The following FAAH2 variants were observed in gnomAD, a reference collection of about 807,000 sequenced individuals.
FAAH2 encodes fatty acid amide hydrolase 2.
A neutral mutation model predicts 36.9 loss-of-function variants in FAAH2; 60 were observed. That is an observed-to-expected ratio of 1.63 (90% CI 1.32 to 2.02). The LOEUF is 2.02. Ranked by LOEUF, FAAH2 falls within the 30% of genes most tolerant of loss-of-function variation. The pLI is 0.00. For missense variants in FAAH2, 689 were observed against 397.5 expected, an observed-to-expected ratio of 1.73 and a Z score of -6.23; for synonymous variants, 214 against 143.8, an observed-to-expected ratio of 1.49 and a Z score of -3.49.
At chrX:57,411,028 T>C (rs778661154) in intron 7 of FAAH2, among the ~76,000 whole-genome samples, 2 of 112,022 alleles carry the variant, frequency 1.8e-5, no homozygotes, top group Non-Finnish European at 3.8e-5. Context: ...GATTGTTGTC[T>C]TCACAGTTGA....
intron 8 of FAAH2, among the ~76,000 whole-genome samples, chrX:57,438,215 A>G (rs923145711): frequency 1.1e-5 from 1 of 94,607 alleles, no homozygotes; most frequent in African/African-American, 3.8e-5. Flanking sequence ...ATATCACTAT[A>G]TATATATCAG....
chrX:57,224,769 C>T, the FAAH2 span, among the ~76,000 whole-genome samples: 1 of 112,475 alleles, frequency 8.9e-6, no homozygotes, highest in South Asian at 3.7e-4. Context: ...AGCCCGCCTG[C>T]ACCCAGGCAC....
chrX:57,466,156 C>CTCTCTATATATATATA (rs1287266105), intron 10 of FAAH2, among the ~76,000 whole-genome samples: 113 of 66,382 alleles, frequency 1.7e-3, no homozygotes, highest in African/African-American at 3.6e-3. Context: ...CTCTCTCTCT[C>CTCTCTATATATATATA]TATATATATA....
Position 57,336,779 on chromosome X carries a change from C to T in FAAH2, c.623-4492C>T, listed in dbSNP as rs1415296152. On this transcript the variant is annotated intron_variant, in intron 4 of 10. Coordinates refer to ENST00000374900, the MANE Select transcript of FAAH2 (RefSeq NM_174912.4). The stretch of plus-strand genomic sequence containing the variant: ...GAGGGAAATTTATAGCACTAAATCC[C>T]CACATCAAAAAGCTAGAAAGGTCTA... 4.5e-5 allele frequency among the ~76,000 whole-genome samples: 5 copies of T among 110,921 alleles called. 1 individual carries two copies. Among genetic ancestry groups the T allele is most frequent in the African/African-American group, 1.6e-4 (5 of 30,455 alleles).
intron 7 of FAAH2, among the ~76,000 whole-genome samples, chrX:57,410,395 T>A (rs2055669275): frequency 9.0e-6 from 1 of 111,480 alleles, no homozygotes; most frequent in East Asian, 2.8e-4. Context: ...TCAAGTGTAG[T>A]TTAAGTCCAG....
intron 5 of FAAH2, among the ~76,000 whole-genome samples, chrX:57,365,447 A>T (rs929594697): frequency 9.0e-6 from 1 of 111,603 alleles, no homozygotes; most frequent in Non-Finnish European, 1.9e-5. Flanking sequence ...ATGGGGTTCC[A>T]TTTGTAGGTG....
the FAAH2 span, among the ~76,000 whole-genome samples, chrX:57,236,011 C>T: frequency 8.9e-6 from 1 of 112,314 alleles, no homozygotes; most frequent in African/African-American, 3.2e-5. Context: ...CCACTCCCAT[C>T]CCCAGCCTCT....
chrX:57,479,868 G>A (rs1263464374), intron 10 of FAAH2, among the ~76,000 whole-genome samples: 1 of 110,988 alleles, frequency 9.0e-6, no homozygotes, highest in Non-Finnish European at 1.9e-5. Flanking sequence ...CCACTAGCAA[G>A]ACTAATAAAG....
At chrX:57,295,830 G>A (rs1418518454) in intron 2 of FAAH2, among the ~76,000 whole-genome samples, 2 of 112,522 alleles carry the variant, frequency 1.8e-5, no homozygotes, top group East Asian at 2.8e-4. Flanking sequence ...GGATCAGAGG[G>A]TCCTACGCCC....
intron 7 of FAAH2, among the ~76,000 whole-genome samples, chrX:57,389,100 A>G (rs1174538021): frequency 9.3e-6 from 1 of 107,184 alleles, no homozygotes; most frequent in Non-Finnish European, 1.9e-5. Flanking sequence ...TTTTCTATTC[A>G]ATTAGGTAGT....
At chrX:57,235,151 C>T in the FAAH2 span, among the ~76,000 whole-genome samples, 1 of 111,070 alleles carries the variant, frequency 9.0e-6, no homozygotes, top group African/African-American at 3.3e-5. Context: ...AAATTAGTCC[C>T]TTGTCTAATC....
intron 7 of FAAH2, among the ~76,000 whole-genome samples, chrX:57,418,391 T>C (rs1041557921): frequency 1.8e-5 from 2 of 111,408 alleles, no homozygotes; most frequent in Non-Finnish European, 3.8e-5. Context: ...GGTCTGTGGG[T>C]TTTGAAGACT....
intron 5 of FAAH2, among the ~76,000 whole-genome samples, chrX:57,351,928 A>G (rs1372710001): frequency 3.0e-5 from 3 of 100,264 alleles, no homozygotes; most frequent in Admixed American, 1.1e-4. Context: ...TTATTCCAAA[A>G]ACTTGAAAAG....
At chrX:57,154,708 G>A in the FAAH2 span, among the ~76,000 whole-genome samples, 1 of 110,811 alleles carries the variant, frequency 9.0e-6, no homozygotes, top group Admixed American at 9.6e-5. Flanking sequence ...ATCCATTGCT[G>A]GTGAGCTAGT....
chrX:57,185,492 G>A, the FAAH2 span, among the ~76,000 whole-genome samples: 1 of 86,863 alleles, frequency 1.2e-5, no homozygotes, highest in East Asian at 3.1e-4. Flanking sequence ...CTGTCTCTGT[G>A]TGTGTGTGTG....
At chrX:57,194,161 A>G in the FAAH2 span, among the ~76,000 whole-genome samples, 16 of 111,560 alleles carry the variant, frequency 1.4e-4, no homozygotes, top group Non-Finnish European at 3.0e-4. Context: ...TGCTGGGCTT[A>G]TCATTACTAG....
chrX:57,252,885 C>T, the FAAH2 span, among the ~76,000 whole-genome samples: 3 of 112,527 alleles, frequency 2.7e-5, no homozygotes, highest in Non-Finnish European at 5.6e-5. Context: ...TCCTTGCCAG[C>T]AAGGGCACAA....
In FAAH2 at chrX:57,369,971, C is replaced by A. The variant is rs991601829; in HGVS notation, c.743-8680C>A. 2.7e-5 allele frequency among the ~76,000 whole-genome samples: 3 copies of A among 111,485 alleles called. No homozygotes were observed. The East Asian group carries it at 8.4e-4, about 31-fold the overall frequency. On this transcript the variant is annotated intron_variant, in intron 5 of 10. Coordinates refer to ENST00000374900, the MANE Select transcript of FAAH2 (RefSeq NM_174912.4). ...TTTAAGAAATCTAGAATGTATGTGACCAAACTTATTATCAACTTAAAATTA... is the reference window on the plus strand; with the variant it reads ...TTTAAGAAATCTAGAATGTATGTGAACAAACTTATTATCAACTTAAAATTA...
chrX:57,388,626 A>T lies in FAAH2; in HGVS notation c.996+7597A>T, dbSNP rs369978270. ...ATTGATATATTATTAACTAAACTCC[A>T]TAGTTTACATTAGTGTTTATATTGT... is the stretch of plus-strand genomic sequence containing the variant. On this transcript the variant is annotated intron_variant, in intron 7 of 10. Coordinates refer to ENST00000374900, the MANE Select transcript of FAAH2 (RefSeq NM_174912.4). 3.9e-4 allele frequency among the ~76,000 whole-genome samples: 43 copies of T among 111,442 alleles called. No individual in the cohort carries two copies. The East Asian group carries it at 6.2e-3, about 16-fold the overall frequency.
Sources: allele counts gnomAD v4.1 joint callset (sites outside exome capture counted in the v4.1 genomes callset), GRCh38; gene constraint gnomAD v4.1.1; transcripts MANE v1.5; gene names NCBI Gene and HGNC (gene_info 2026-07-23, HGNC 2026-07-21).